Variants in RIMBP2 observed in about 807,000 individuals in gnomAD.
RIMBP2 encodes the protein RIMS-binding protein 2.
In RIMBP2, 48 loss-of-function variants were observed where a neutral mutation model predicts 118.6. That is an observed-to-expected ratio of 0.40 (90% confidence interval 0.32 to 0.51). The LOEUF is 0.51. RIMBP2 is among the 20% of genes least tolerant of loss of function. The pLI, the probability that RIMBP2 is intolerant of heterozygous loss-of-function variation, is 0.41. For synonymous variants in RIMBP2, 762 were observed against 742.9 expected (o/e 1.03, Z -0.42); for missense variants, 1,551 against 1,768.3 (o/e 0.88, Z 2.20).
At chr12:130,653,730 G>A (rs1489332001) in intron 1 of RIMBP2, among the ~76,000 whole-genome samples, 1 of 152,226 alleles carries the variant, frequency 6.6e-6, no homozygotes, top group Non-Finnish European at 1.5e-5. Flanking sequence ...AAATCTAGGT[G>A]GAAGCCACCA....
chr12:130,699,904 TAAAAAAAAAAAA>T (rs33963621), intron 1 of RIMBP2, among the ~76,000 whole-genome samples: 9 of 85,672 alleles, frequency 1.1e-4, no homozygotes, highest in African/African-American at 1.5e-4. Context: ...GACTCTGTCT[TAAAAAAAAAAAA>T]AAAAAAAAAA....
intron 17 of RIMBP2, among the ~76,000 whole-genome samples, chr12:130,421,666 T>C (rs568738242): frequency 3.2e-4 from 49 of 150,862 alleles, no homozygotes; most frequent in Middle Eastern, 3.4e-3. Flanking sequence ...ATTTCTGCTG[T>C]ATCAAGAGTT....
chr12:130,488,875 T>C (rs2082695936), intron 4 of RIMBP2, among the ~76,000 whole-genome samples: 1 of 152,140 alleles, frequency 6.6e-6, no homozygotes, highest in Admixed American at 6.5e-5. Context: ...AGATTTCCCT[T>C]CTAATCTGCA....
At chr12:130,707,067 T>C (rs2066155896) in intron 1 of RIMBP2, among the ~76,000 whole-genome samples, 1 of 152,178 alleles carries the variant, frequency 6.6e-6, no homozygotes, top group African/African-American at 2.4e-5. Context: ...AGATTCTCTT[T>C]CCTGTTCTTG....
At chr12:130,406,606 C>G (rs576600185) in intron 20 of RIMBP2, among the ~76,000 whole-genome samples, 5 of 152,188 alleles carry the variant, frequency 3.3e-5, no homozygotes, top group Non-Finnish European at 7.3e-5. Flanking sequence ...ACGTAAATAT[C>G]CTTTCACTGA....
intron 1 of RIMBP2, among the ~76,000 whole-genome samples, chr12:130,664,863 G>A (rs2063850436): frequency 6.6e-6 from 1 of 151,792 alleles, no homozygotes; most frequent in Non-Finnish European, 1.5e-5. Context: ...ATAAATAAAG[G>A]GGGGCGGGGC....
At chr12:130,399,061 G>T in intron 22 of RIMBP2, 2 of 978,436 alleles carry the variant, frequency 2.0e-6, no homozygotes, top group Non-Finnish European at 1.4e-6. Context: ...ACACTGGCCC[G>T]GTTAAGGTAG....
intron 21 of RIMBP2, among the ~76,000 whole-genome samples, chr12:130,404,374 C>T (rs959424943): frequency 2.6e-5 from 4 of 152,064 alleles, no homozygotes; most frequent in Non-Finnish European, 4.4e-5. Flanking sequence ...CTCAGCTCAC[C>T]GCAACCTCCA....
intron 14 of RIMBP2, among the ~76,000 whole-genome samples, chr12:130,433,571 G>T (rs190366626): frequency 3.3e-5 from 5 of 152,092 alleles, no homozygotes. Flanking sequence ...GTGGGCTTTC[G>T]GATGACACAT....
At chr12:130,583,368 A>G (rs2140214353) in intron 2 of RIMBP2, among the ~76,000 whole-genome samples, 2 of 151,896 alleles carry the variant, frequency 1.3e-5, no homozygotes, top group South Asian at 4.2e-4. Flanking sequence ...GCTAGTTATC[A>G]TCATCACCAT....
At chr12:130,681,125 T>C (rs528526110) in intron 1 of RIMBP2, among the ~76,000 whole-genome samples, 1 of 152,226 alleles carries the variant, frequency 6.6e-6, no homozygotes, top group East Asian at 1.9e-4. Context: ...TCTGTAAAAG[T>C]AGCTTCCCAT....
intron 1 of RIMBP2, among the ~76,000 whole-genome samples, chr12:130,666,549 G>C (rs2063921841): frequency 6.6e-6 from 1 of 152,188 alleles, no homozygotes; most frequent in Non-Finnish European, 1.5e-5. Context: ...CCTGCTGTGA[G>C]CTCAATCCTG....
chr12:130,588,009 C>G (rs1358784956), intron 2 of RIMBP2, among the ~76,000 whole-genome samples: 1 of 151,916 alleles, frequency 6.6e-6, no homozygotes, highest in Non-Finnish European at 1.5e-5. Flanking sequence ...TCCAGCAAGC[C>G]GGGGTCCTCG....
At chr12:130,637,594 A>G (rs1018720442) in intron 1 of RIMBP2, among the ~76,000 whole-genome samples, 1 of 152,240 alleles carries the variant, frequency 6.6e-6, no homozygotes, top group Non-Finnish European at 1.5e-5. Context: ...GAATCCTAAA[A>G]TTAATGAAGA....
intron 2 of RIMBP2, among the ~76,000 whole-genome samples, chr12:130,607,774 C>CT (rs1007066022): frequency 4.0e-5 from 6 of 151,866 alleles, no homozygotes; most frequent in African/African-American, 1.5e-4. Context: ...GTTCCATCTC[C>CT]TTTTTTTCCA....
At chr12:130,692,585 C>G (rs1239336542) in intron 1 of RIMBP2, among the ~76,000 whole-genome samples, 3 of 152,004 alleles carry the variant, frequency 2.0e-5, no homozygotes, top group Admixed American at 1.3e-4. Flanking sequence ...CCACCCCAAA[C>G]CCTCTTTCCC....
intron 2 of RIMBP2, among the ~76,000 whole-genome samples, chr12:130,615,791 T>C (rs1199282859): frequency 1.3e-5 from 2 of 152,234 alleles, no homozygotes; most frequent in African/African-American, 4.8e-5. Flanking sequence ...CAATGCCCAC[T>C]AAGTTTAAAC....
At chr12:130,486,783 T>C (rs949162222) in intron 4 of RIMBP2, among the ~76,000 whole-genome samples, 10 of 151,234 alleles carry the variant, frequency 6.6e-5, no homozygotes, top group Non-Finnish European at 1.5e-4. Context: ...CGTTCTCTCC[T>C]GTGTCCAACG....
At chr12:130,477,106 T>A (rs1406068510) in intron 5 of RIMBP2, among the ~76,000 whole-genome samples, 1 of 152,182 alleles carries the variant, frequency 6.6e-6, no homozygotes, top group Non-Finnish European at 1.5e-5. Flanking sequence ...CCTCTGCCCC[T>A]CGCCCCACTA....
Sources: gnomAD v4.1 joint callset for allele counts (sites outside exome capture counted in the v4.1 genomes callset) on GRCh38, gnomAD v4.1.1 for gene constraint, MANE v1.5 for transcripts, NCBI Gene and HGNC (gene_info 2026-07-23, HGNC 2026-07-21) for gene names.